The following KIAA1755 variants were observed in gnomAD, a reference collection of about 807,000 sequenced individuals.
The protein encoded by KIAA1755 is uncharacterized protein KIAA1755.
KIAA1755 carries 68 observed loss-of-function variants against 91.7 expected under a neutral mutation model. The ratio of observed to expected loss-of-function variants is 0.74; its 90% CI spans 0.61 to 0.91. The LOEUF is 0.91. Among genes scored for constraint, KIAA1755 ranks in the 40% least tolerant of loss-of-function variants. KIAA1755 has a pLI of 0.00. For missense variants in KIAA1755, 1,535 were observed against 1,494.4 expected (o/e 1.03, Z -0.45); for synonymous variants, 610 against 604.6 (o/e 1.01, Z -0.13).
intron 1 of KIAA1755, among the ~76,000 whole-genome samples, chr20:38,246,388 T>C (rs890195151): frequency 3.3e-5 from 5 of 150,242 alleles, no homozygotes; most frequent in African/African-American, 1.2e-4. Flanking sequence ...ACAGCCTCAT[T>C]CCCACACCTC....
At chr20:38,223,441 C>A in intron 9 of KIAA1755, 97 bp downstream of exon 9, 1 of 766,030 alleles carries the variant, frequency 1.3e-6, no homozygotes, top group Non-Finnish European at 2.0e-6. Context: ...GAATAATGTC[C>A]TCCCCCTTTT....
intron 4 of KIAA1755, 51 bp from the exon 5 acceptor site, chr20:38,231,376 T>C: frequency 6.5e-7 from 1 of 1,546,252 alleles, no homozygotes; most frequent in South Asian, 1.2e-5. Flanking sequence ...GGGGGCCCTC[T>C]AGGGACCTCT....
chr20:38,222,433 G>A lies in KIAA1755; in HGVS notation c.2417+16C>T, dbSNP rs367603291. On this transcript the variant is annotated intron_variant, in intron 10 of 13. Coordinates refer to ENST00000279024, the MANE Select transcript of KIAA1755 (RefSeq NM_001029864.2). ...AACAGGATGGGGTGGAAGAGGAAAG[G>A]CCTGGACGTCTGTACCTGACATCAG... The A allele has an allele frequency of 5.2e-5, 83 of 1,609,958 alleles. No homozygotes were observed. In the African/African-American group the frequency reaches 9.3e-4, roughly 18 times the overall value.
intron 5 of KIAA1755, among the ~76,000 whole-genome samples, chr20:38,228,653 G>A (rs942035219): frequency 1.3e-5 from 2 of 152,184 alleles, no homozygotes; most frequent in South Asian, 2.1e-4. Context: ...CAGTAGTGAC[G>A]TAATTCCTCT....
chr20:38,217,817 G>C, intron 12 of KIAA1755: 1 of 454,466 alleles, frequency 2.2e-6, no homozygotes, highest in Non-Finnish European at 3.9e-6. Context: ...CTTACTGTGC[G>C]CTTCCCTGTT....
chr20:38,246,212 C>A, intron 1 of KIAA1755, 86 bp from the exon 2 acceptor site: 1 of 1,105,916 alleles, frequency 9.0e-7, no homozygotes, highest in South Asian at 1.4e-5. Flanking sequence ...CCCCATATGC[C>A]TAAGGCCCCT....
At chr20:38,253,123 G>C (rs1460568776) in intron 1 of KIAA1755, among the ~76,000 whole-genome samples, 1 of 152,226 alleles carries the variant, frequency 6.6e-6, no homozygotes, top group African/African-American at 2.4e-5. Flanking sequence ...AGGCTGAAAA[G>C]GAAGAAGGTG....
In KIAA1755 at chr20:38,240,642, A is replaced by C. The variant is rs1160226220; in HGVS notation, c.1489T>G (p.Trp497Gly). ...EKASLQHNGP[W>G]KVLCSLYSPK... ...GAGTAGAGGGAACACAGGACTTTCC[A>C]GGGCCCATTGTGCTGGAGTGAGGCT... The change falls in exon 3 of 14, where the codon TGG becomes GGG. Residue 497 changes from tryptophan (W) to glycine (G), a missense_variant. By Grantham distance (184) the Trp-to-Gly change is radical. Transcript: ENST00000279024. 6.6e-6 allele frequency: 10 copies of C among 1,521,864 alleles called. No homozygotes were observed. The highest frequency in any genetic ancestry group is 8.8e-6 in the Non-Finnish European group (10 of 1,136,922). The allele number at this position is 1,521,864 out of a possible 1,614,324, so 94.3% of individuals were successfully genotyped here.
At chr20:38,230,552 A>G (rs1396042634) in intron 5 of KIAA1755, among the ~76,000 whole-genome samples, 1 of 152,136 alleles carries the variant, frequency 6.6e-6, no homozygotes, top group African/African-American at 2.4e-5. Flanking sequence ...GGGCCCCTGC[A>G]ATCTGTTTTA....
intron 9 of KIAA1755, among the ~76,000 whole-genome samples, 173 bp downstream of exon 9, chr20:38,223,365 G>C (rs988185181): frequency 6.6e-6 from 1 of 152,248 alleles, no homozygotes; most frequent in Non-Finnish European, 1.5e-5. Context: ...GCTCCAGGCT[G>C]GTCTCCAGTG....
chr20:38,241,328 C>T lies in KIAA1755; in HGVS notation c.803G>A (p.Ser268Asn). The change falls in exon 3 of 14, where the codon AGC becomes AAC. Residue 268 changes from serine to asparagine, a missense_variant. Coordinates refer to ENST00000279024, the MANE Select transcript of KIAA1755 (RefSeq NM_001029864.2). ...CACATAGTCTCCCTCGAAGTCCTGGCTGACCACCTCGTCCATCCTGAAAGC... is the reference window on the plus strand; with the variant it reads ...CACATAGTCTCCCTCGAAGTCCTGGTTGACCACCTCGTCCATCCTGAAAGC... ...EVAFRMDEVV[S>N]QDFEGDYVAL... 1.2e-6 allele frequency: 2 copies of T among 1,614,214 alleles called. No individual in the cohort carries two copies. Among genetic ancestry groups the T allele is most frequent in the East Asian group, 2.2e-5 (1 of 44,874 alleles).
chr20:38,238,133 G>A (rs1047057928), intron 4 of KIAA1755, among the ~76,000 whole-genome samples: 2 of 152,118 alleles, frequency 1.3e-5, no homozygotes, highest in Non-Finnish European at 2.9e-5. Context: ...GATAGAGTTA[G>A]AACTAAAACA....
chr20:38,234,346 C>T (rs548322907), intron 4 of KIAA1755, among the ~76,000 whole-genome samples: 1 of 152,292 alleles, frequency 6.6e-6, no homozygotes, highest in African/African-American at 2.4e-5. Flanking sequence ...TACTGCCTTC[C>T]CTCTTTAGAA....
In KIAA1755 at chr20:38,260,697, AGACAGAGAGG is replaced by A; in HGVS notation, c.-207_-198del. 1 of 485,860 alleles carries A rather than the reference AGACAGAGAGG, an allele frequency of 2.1e-6. No individual in the cohort carries two copies. The allele number at this position is 485,860 out of a possible 1,614,324, so 30.1% of individuals were successfully genotyped here. The stretch of plus-strand genomic sequence containing the variant: ...AGGACAGGGAGAGAGACTGAGAGAG[AGACAGAGAGG>A]GACTGAGGCTGGAGACGGCGAGAGA... On this transcript the variant is annotated 5_prime_UTR_variant, in exon 1 of 14. It removes the in-frame stop codon of an upstream open reading frame in the 5' UTR. Transcript: ENST00000279024.
chr20:38,249,427 G>C (rs936563246), intron 1 of KIAA1755, among the ~76,000 whole-genome samples: 1 of 152,216 alleles, frequency 6.6e-6, no homozygotes, highest in African/African-American at 2.4e-5. Flanking sequence ...TGAAGAAAGA[G>C]AAATACAATA....
Position 38,241,833 on chromosome 20 carries a change from A to G in KIAA1755, c.298T>C (p.Leu100=). 1 of 1,614,148 alleles carries G rather than the reference A, an allele frequency of 6.2e-7. No homozygotes were observed. The highest frequency in any genetic ancestry group is 1.1e-5 in the South Asian group (1 of 91,084). The change falls in exon 3 of 14, where the codon TTG becomes CTG. Residue 100 remains leucine, a synonymous_variant. Coordinates refer to ENST00000279024, the MANE Select transcript of KIAA1755 (RefSeq NM_001029864.2). ...TGGAGGTAGAAGTCACCCTGGCGCA[A>G]TAAGAGAGGGTTGAGGGGTGCCAAG... ...VHLAPLNPLL[L]RQGDFYLQVE...
intron 13 of KIAA1755, among the ~76,000 whole-genome samples, chr20:38,215,822 G>T (rs917768385): frequency 6.6e-6 from 1 of 152,078 alleles, no homozygotes; most frequent in African/African-American, 2.4e-5. Context: ...TCCTCTTAAT[G>T]ATAATAATAA....
rs760563805 is a variant in KIAA1755 at position 38,241,695 on chromosome 20, T to A, written c.436A>T (p.Thr146Ser). 5.2e-5 allele frequency: 84 copies of A among 1,614,044 alleles called. No individual in the cohort carries two copies. In the South Asian group the frequency reaches 8.7e-4, roughly 17 times the overall value. Reference protein sequence around the residue: ...VPEPAYPILFTQEWLEAINSD... With the variant: ...VPEPAYPILFSQEWLEAINSD... ...TTGATGGCCTCCAGCCATTCTTGGG[T>A]GAAAAGTATAGGGTAGGCTGGCTCT... The change falls in exon 3 of 14, where the codon ACC (threonine) becomes TCC (serine). Residue 146 changes from threonine (T) to serine (S), a missense_variant. Thr to Ser is a moderately conservative substitution (Grantham distance 58, BLOSUM62 1). Transcript: ENST00000279024.
chr20:38,230,276 C>G (rs923195045), intron 5 of KIAA1755, among the ~76,000 whole-genome samples: 1 of 152,248 alleles, frequency 6.6e-6, no homozygotes, highest in African/African-American at 2.4e-5. Flanking sequence ...CTTTCACTCT[C>G]TCATTCATTC....
Sources: gnomAD v4.1 joint callset for allele counts (sites outside exome capture counted in the v4.1 genomes callset) on GRCh38, gnomAD v4.1.1 for gene constraint, MANE v1.5 for transcripts, NCBI Gene and HGNC (gene_info 2026-07-23, HGNC 2026-07-21) for gene names.